NDUFV2: variants seen among roughly 807,000 people sequenced by gnomAD.
The protein encoded by NDUFV2 is NADH:ubiquinone oxidoreductase core subunit V2.
Under a neutral mutation model 31.6 loss-of-function variants are expected in NDUFV2, and 18 were observed. That is an observed-to-expected ratio of 0.57 (90% CI 0.39 to 0.84). The LOEUF (loss-of-function observed/expected upper bound fraction) is 0.84, where lower values mean the gene tolerates loss of function less well. Ranked by LOEUF, NDUFV2 falls within the 40% of genes least tolerant of loss-of-function variation. The pLI is 0.00. For synonymous variants in NDUFV2, 83 were observed against 99.8 expected (o/e 0.83, Z 1.01); for missense variants, 314 against 303.6 (o/e 1.03, Z -0.26).
Position 9,119,384 on chromosome 18 carries a change from A to G in NDUFV2, c.179A>G (p.Tyr60Cys), listed in dbSNP as rs1330772227. 7 of 1,610,186 alleles carry G rather than the reference A, an allele frequency of 4.3e-6. No homozygotes were observed. The South Asian group carries it at 4.4e-5, about 10-fold the overall frequency. ...DTPFDFTPENYKRIEAIVKNY... is the reference protein window; with the variant it reads ...DTPFDFTPENCKRIEAIVKNY... The stretch of plus-strand genomic sequence containing the variant: ...CCATTTGATTTCACACCAGAAAACT[A>G]TAAGGTATGGCTAAATTAACATTAT... Residue 60 changes from tyrosine (Y) to cysteine (C), a missense_variant, in exon 3 of 8, where the codon TAT becomes TGT. Physicochemically the swap from Tyr to Cys is radical, Grantham distance 194 (BLOSUM62 -2). Transcript: ENST00000318388.
chr18:9,115,374 AT>A (rs1428683076), intron 1 of NDUFV2, among the ~76,000 whole-genome samples: 1 of 151,874 alleles, frequency 6.6e-6, no homozygotes, highest in Admixed American at 6.6e-5. Context: ...TTTACGACAT[AT>A]TTTTGTTAGC....
chr18:9,126,666 G>T, intron 6 of NDUFV2, 165 bp from the exon 7 acceptor site: 1 of 622,612 alleles, frequency 1.6e-6, no homozygotes. Flanking sequence ...CATGCGTGGT[G>T]GTTCATACCT....
At chr18:9,106,139 G>T (rs1342509690) in intron 1 of NDUFV2, among the ~76,000 whole-genome samples, 3 of 152,258 alleles carry the variant, frequency 2.0e-5, no homozygotes, top group African/African-American at 7.2e-5. Context: ...ATGGTTCAGG[G>T]TTCAGCCAGA....
rs1294199785 is a variant in NDUFV2, at chr18:9,119,543, T to G, written c.253T>G (p.Leu85Val). 6.2e-7 allele frequency: 1 copy of G among 1,613,902 alleles called. No individual in the cohort carries two copies. Among genetic ancestry groups the G allele is most frequent in the East Asian group, 2.2e-5 (1 of 44,852 alleles). ...AGCAGCTGTTCTTCCAGTCCTGGATTTAGCCCAAAGGCAGAATGGGTGGTT... is the reference window on the plus strand; with the variant it reads ...AGCAGCTGTTCTTCCAGTCCTGGATGTAGCCCAAAGGCAGAATGGGTGGTT... ...KAAAVLPVLD[L>V]AQRQNGWLPI... Residue 85 changes from leucine (L) to valine (V), a missense_variant, in exon 4 of 8, where the codon TTA becomes GTA. By Grantham distance (32) the Leu-to-Val change is conservative. Transcript: ENST00000318388.
Position 9,126,869 on chromosome 18 carries a change from T to A in NDUFV2, c.618T>A (p.Asp206Glu). ...CTAAGGATATTGAAGAAATTATTGA[T>A]GAGCTCAAGGCTGGCAAAATCCCAA... ...LTAKDIEEII[D>E]ELKAGKIPKP... The change falls in exon 7 of 8, where the codon GAT becomes GAA. Residue 206 changes from aspartate (D) to glutamate (E), a missense_variant. Transcript: ENST00000318388. The A allele has an allele frequency of 6.2e-7, 1 of 1,613,850 alleles. No individual in the cohort carries two copies. Among genetic ancestry groups the A allele is most frequent in the South Asian group, 1.1e-5 (1 of 91,014 alleles).
intron 5 of NDUFV2, 43 bp downstream of exon 5, chr18:9,122,724 T>G (rs769003179): frequency 1.1e-5 from 17 of 1,597,640 alleles, no homozygotes; most frequent in Non-Finnish European, 1.5e-5. Flanking sequence ...AAAAGTAGAA[T>G]TGTCTCTCTA....
chr18:9,132,044 G>A (rs951376240), intron 7 of NDUFV2, among the ~76,000 whole-genome samples: 2 of 152,128 alleles, frequency 1.3e-5, no homozygotes, highest in South Asian at 2.1e-4. Flanking sequence ...TGTGAATGGC[G>A]AGGAAGGGAG....
rs1264863221 is a variant in NDUFV2 at position 9,124,899 on chromosome 18, T to G, written c.495T>G (p.Pro165=). The G allele has an allele frequency of 1.2e-6, 2 of 1,612,844 alleles. No homozygotes were observed. Among genetic ancestry groups the G allele is most frequent in the Admixed American group, 3.3e-5 (2 of 60,010 alleles). The change falls in exon 6 of 8, where the codon CCT becomes CCG. Residue 165 remains proline (P), a synonymous_variant. Transcript: ENST00000318388. ...KLGIKVGETT[P]DKLFTLIEVE... is the part of the protein sequence containing the mutation. ...GAATAAAGGTTGGGGAGACTACACCTGACAAACTTTTCACTCTTATAGAAG... is the reference window on the plus strand; with the variant it reads ...GAATAAAGGTTGGGGAGACTACACCGGACAAACTTTTCACTCTTATAGAAG...
chr18:9,106,356 G>C (rs770114322), intron 1 of NDUFV2, among the ~76,000 whole-genome samples: 1 of 152,158 alleles, frequency 6.6e-6, no homozygotes, highest in Non-Finnish European at 1.5e-5. Flanking sequence ...CTGTTTGGTT[G>C]TTCCCCAGTG....
chr18:9,107,601 A>T lies in NDUFV2; in HGVS notation c.54+4804A>T, dbSNP rs62088769. Reference sequence around the variant, plus strand: ...ATTGCTGGACAAATAAATGCCCAAGATCACACAGTAGTAAGGGCTGGGTTT... The same window carrying T: ...ATTGCTGGACAAATAAATGCCCAAGTTCACACAGTAGTAAGGGCTGGGTTT... On this transcript the variant is annotated intron_variant, in intron 1 of 7. Transcript: ENST00000318388. Among the ~76,000 whole-genome samples, 3 of 152,330 alleles carry T rather than the reference A, an allele frequency of 2.0e-5. No individual in the cohort carries two copies. The East Asian group carries it at 5.8e-4, about 29-fold the overall frequency.
In NDUFV2 at chr18:9,107,705, C is replaced by T. The variant is rs149413228; in HGVS notation, c.54+4908C>T. On this transcript the variant is annotated intron_variant, in intron 1 of 7. Transcript: ENST00000318388. ...AACAATTGAAGTTGCTAAGGGAAAT[C>T]ACTATGTATGGTGAAGATTTAAATT... Among the ~76,000 whole-genome samples, 190 of 152,274 alleles carry T rather than the reference C, an allele frequency of 1.2e-3. No individual in the cohort carries two copies. The Middle Eastern group carries it at 0.031, about 25-fold the overall frequency.
At position 9,103,393 on chromosome 18, in the gene NDUFV2, A is replaced by G. The variant is rs562300320; in HGVS notation, c.54+596A>G. The G allele has an allele frequency of 1.7e-5, 6 of 359,672 alleles. No individual in the cohort carries two copies. In the South Asian group the frequency reaches 7.5e-4, roughly 45 times the overall value. 22.3% of individuals were successfully genotyped at this position (359,672 alleles called of 1,614,324 possible). A position where few individuals can be genotyped will look rare whatever the true frequency, so the allele number is the denominator to read the frequency against. The stretch of plus-strand genomic sequence containing the variant: ...CCCAATTAAAGAACCACAGGATTTT[A>G]GAGATTAAATGATCTTTTTGAGATC... On this transcript the variant is annotated intron_variant, in intron 1 of 7. Coordinates refer to ENST00000318388, the MANE Select transcript of NDUFV2 (RefSeq NM_021074.5).
chr18:9,115,253 CCTT>C (rs2077892162), intron 1 of NDUFV2, among the ~76,000 whole-genome samples: 1 of 152,004 alleles, frequency 6.6e-6, no homozygotes, highest in South Asian at 2.1e-4. Flanking sequence ...TTATTTATGG[CCTT>C]CTAGTCTTTT....
At chr18:9,105,771 A>C (rs1385714395) in intron 1 of NDUFV2, among the ~76,000 whole-genome samples, 1 of 152,212 alleles carries the variant, frequency 6.6e-6, no homozygotes, top group East Asian at 1.9e-4. Flanking sequence ...GGGAATTTGC[A>C]AGACAGGCAA....
intron 4 of NDUFV2, among the ~76,000 whole-genome samples, chr18:9,121,933 G>A (rs928569740): frequency 5.3e-5 from 8 of 151,984 alleles, no homozygotes; most frequent in African/African-American, 1.9e-4. Context: ...TGGGAGAGGA[G>A]TGTGTGATTG....
At position 9,134,336 on chromosome 18, in the gene NDUFV2, C is replaced by T. The variant is rs977177603; in HGVS notation, c.*57C>T. ...AAATAAAATATGGACTTCCAATCTA[C>T]GTAAACTTATTTGTTTATTCTGCTC... On this transcript the variant is annotated 3_prime_UTR_variant, in exon 8 of 8. Coordinates refer to ENST00000318388, the MANE Select transcript of NDUFV2 (RefSeq NM_021074.5). 28 of 1,308,784 alleles carry T rather than the reference C, an allele frequency of 2.1e-5. No homozygotes were observed. Among genetic ancestry groups the T allele is most frequent in the Middle Eastern group, 2.6e-4 (1 of 3,890 alleles). 81.1% of individuals were successfully genotyped at this position (1,308,784 alleles called of 1,614,324 possible).
intron 4 of NDUFV2, among the ~76,000 whole-genome samples, chr18:9,120,399 A>G (rs144112123): frequency 3.3e-5 from 5 of 152,308 alleles, no homozygotes; most frequent in East Asian, 1.9e-4. Context: ...GACCTCTTCT[A>G]ATTATTAAGT....
chr18:9,122,365 A>T (rs1016447619), intron 4 of NDUFV2, 148 bp from the exon 5 acceptor site: 1 of 698,056 alleles, frequency 1.4e-6, no homozygotes, highest in Non-Finnish European at 2.4e-6. Context: ...TCTCCCAGTT[A>T]TCCAAGACAA....
intron 5 of NDUFV2, among the ~76,000 whole-genome samples, chr18:9,124,638 C>T (rs2077972001): frequency 6.6e-6 from 1 of 151,354 alleles, no homozygotes; most frequent in Non-Finnish European, 1.5e-5. Context: ...TTAGTAGAGA[C>T]GGGGTTTCAC....
Sources: gnomAD v4.1 joint callset for allele counts (sites outside exome capture counted in the v4.1 genomes callset) on GRCh38, gnomAD v4.1.1 for gene constraint, MANE v1.5 for transcripts, NCBI Gene and HGNC (gene_info 2026-07-23, HGNC 2026-07-21) for gene names.